The following CDH18 variants were observed in gnomAD, a reference collection of about 807,000 sequenced individuals.
The protein encoded by CDH18 is cadherin-18.
In CDH18, 31 loss-of-function variants were observed where a neutral mutation model predicts 67.9. The ratio of observed to expected loss-of-function variants is 0.46; its 90% CI spans 0.34 to 0.62. CDH18 has a LOEUF of 0.62. Ranked by LOEUF, CDH18 falls within the 20% of genes least tolerant of loss-of-function variation. The pLI is 0.01. For missense variants in CDH18, 890 were observed against 975.5 expected, an observed-to-expected ratio of 0.91 and a Z score of 1.17; for synonymous variants, 362 against 347.2, an observed-to-expected ratio of 1.04 and a Z score of -0.48.
Position 19,600,454 on chromosome 5 carries a change from T to C in CDH18, c.812-9210A>G, listed in dbSNP as rs1370568750. 2.6e-5 allele frequency among the ~76,000 whole-genome samples: 4 copies of C among 151,380 alleles called. No individual in the cohort carries two copies. The Admixed American group carries it at 2.6e-4, about 10-fold the overall frequency. On this transcript the variant is annotated intron_variant, in intron 6 of 12. Coordinates refer to ENST00000382275, the MANE Select transcript of CDH18 (RefSeq NM_004934.5). ...TATCTACTGAGCCAGCTGTTCTCTA[T>C]AACACTAAAGTCGATGCTTAGGGTC... is the stretch of plus-strand genomic sequence containing the variant.
At chr5:20,478,990 C>A (rs533844106) in intron 1 of CDH18, among the ~76,000 whole-genome samples, 1 of 152,128 alleles carries the variant, frequency 6.6e-6, no homozygotes, top group Non-Finnish European at 1.5e-5. Context: ...GGATCTCACC[C>A]AAGACCACCA....
chr5:19,945,752 A>G (rs1795223836), intron 2 of CDH18, among the ~76,000 whole-genome samples: 1 of 152,152 alleles, frequency 6.6e-6, no homozygotes, highest in Admixed American at 6.6e-5. Context: ...TGTCCTTAGA[A>G]GTGGTGGAAA....
chr5:20,130,652 T>C (rs1383210679), intron 2 of CDH18, among the ~76,000 whole-genome samples: 4 of 152,002 alleles, frequency 2.6e-5, no homozygotes, highest in African/African-American at 9.7e-5. Flanking sequence ...TTGAACAGTT[T>C]TGAGTCGGCA....
chr5:20,391,037 T>C (rs1047716257), intron 1 of CDH18, among the ~76,000 whole-genome samples: 3 of 152,006 alleles, frequency 2.0e-5, no homozygotes, highest in African/African-American at 7.3e-5. Context: ...TAATGCTAAA[T>C]GATGAGTTAC....
intron 2 of CDH18, among the ~76,000 whole-genome samples, chr5:20,126,431 C>G (rs988405403): frequency 3.3e-5 from 5 of 152,104 alleles, no homozygotes; most frequent in African/African-American, 7.2e-5. Flanking sequence ...ATCTGAAACA[C>G]ATAGGCACCA....
At chr5:19,609,704 T>C (rs757961462) in intron 6 of CDH18, among the ~76,000 whole-genome samples, 2 of 152,106 alleles carry the variant, frequency 1.3e-5, no homozygotes, top group African/African-American at 2.4e-5. Context: ...GTTAGGGATG[T>C]TTATTCAAGT....
chr5:20,340,157 G>C (rs1230267472), intron 1 of CDH18, among the ~76,000 whole-genome samples: 1 of 152,100 alleles, frequency 6.6e-6, no homozygotes, highest in Non-Finnish European at 1.5e-5. Context: ...TTTTGGAAAG[G>C]CTGAGAAAAG....
At chr5:20,504,379 A>G (rs541458129) in intron 1 of CDH18, among the ~76,000 whole-genome samples, 1 of 152,352 alleles carries the variant, frequency 6.6e-6, no homozygotes, top group African/African-American at 2.4e-5. Flanking sequence ...ATAAAGGCAT[A>G]TGTGTGTGTT....
intron 1 of CDH18, among the ~76,000 whole-genome samples, chr5:19,984,268 T>A (rs1405312879): frequency 1.3e-5 from 2 of 151,906 alleles, no homozygotes; most frequent in Non-Finnish European, 2.9e-5. Flanking sequence ...CATTGAAAAA[T>A]TATTTTTAAA....
Position 19,700,927 on chromosome 5 carries a change from A to G in CDH18, c.643+20420T>C, listed in dbSNP as rs75232317. Among the ~76,000 whole-genome samples the G allele has an allele frequency of 2.0e-5, 3 of 152,266 alleles. No homozygotes were observed. In the East Asian group the frequency reaches 5.8e-4, roughly 29 times the overall value. ...AAAAGTGCAAAAAATTTAAGTAAAC[A>G]AAGTGTGGAAACAAAGTGAGGAAAC... is the stretch of plus-strand genomic sequence containing the variant. On this transcript the variant is annotated intron_variant, in intron 5 of 12. Transcript: ENST00000382275.
intron 1 of CDH18, among the ~76,000 whole-genome samples, chr5:20,518,587 A>T (rs1755522957): frequency 6.6e-6 from 1 of 152,138 alleles, no homozygotes; most frequent in Non-Finnish European, 1.5e-5. Flanking sequence ...AGCATTTTGT[A>T]GTTAGTTGAC....
intron 1 of CDH18, among the ~76,000 whole-genome samples, chr5:20,572,108 CT>C (rs1303068739): frequency 6.6e-6 from 1 of 151,894 alleles, no homozygotes; most frequent in African/African-American, 2.4e-5. Context: ...GTAATGATAA[CT>C]TTATATAATG....
At chr5:19,596,917 G>A (rs996594036) in intron 6 of CDH18, among the ~76,000 whole-genome samples, 41 of 152,112 alleles carry the variant, frequency 2.7e-4, no homozygotes, top group African/African-American at 8.0e-4. Flanking sequence ...CCTTCAAGGC[G>A]GCCACATTTT....
intron 2 of CDH18, among the ~76,000 whole-genome samples, chr5:19,960,671 A>G (rs1437928893): frequency 1.6e-5 from 2 of 128,950 alleles, no homozygotes; most frequent in African/African-American, 7.8e-5. Flanking sequence ...ATACACATGT[A>G]TATATATGTA....
intron 5 of CDH18, among the ~76,000 whole-genome samples, chr5:19,635,186 T>C (rs1374474354): frequency 6.6e-6 from 1 of 152,160 alleles, no homozygotes; most frequent in Non-Finnish European, 1.5e-5. Context: ...CTATTGATGC[T>C]AGTTTTGCTT....
Position 20,358,985 on chromosome 5 carries a change from T to G in CDH18, c.-579-103480A>C, listed in dbSNP as rs1341713342. ...TTCACTCTTGTTGCCCTGGCTGGAG[T>G]GCAATGGCGTGATCTCAGCTCACCG... is the stretch of plus-strand genomic sequence containing the variant. On this transcript the variant is annotated intron_variant, in intron 1 of 14. Coordinates refer to the CDH18 transcript ENST00000507958. Among the ~76,000 whole-genome samples the G allele has an allele frequency of 1.4e-5, 2 of 147,282 alleles. 1 individual carries two copies. Among genetic ancestry groups the G allele is most frequent in the Admixed American group, 1.4e-4 (2 of 14,226 alleles).
intron 7 of CDH18, among the ~76,000 whole-genome samples, chr5:19,585,420 A>T (rs1364568737): frequency 6.6e-6 from 1 of 152,150 alleles, no homozygotes; most frequent in Non-Finnish European, 1.5e-5. Context: ...ACCCATACAC[A>T]TCCTCACTAC....
intron 1 of CDH18, among the ~76,000 whole-genome samples, chr5:20,446,751 C>T (rs552885991): frequency 6.6e-6 from 1 of 152,276 alleles, no homozygotes; most frequent in East Asian, 1.9e-4. Context: ...TAAAAAGGCA[C>T]ATCAGTGGCT....
intron 2 of CDH18, among the ~76,000 whole-genome samples, chr5:20,034,166 A>C (rs1739637566): frequency 6.6e-6 from 1 of 151,926 alleles, no homozygotes; most frequent in Non-Finnish European, 1.5e-5. Flanking sequence ...AAATTGATGA[A>C]ATTTTGGCTT....
Sources: gnomAD v4.1 joint callset for allele counts (sites outside exome capture counted in the v4.1 genomes callset) on GRCh38, gnomAD v4.1.1 for gene constraint, MANE v1.5 for transcripts, NCBI Gene and HGNC (gene_info 2026-07-23, HGNC 2026-07-21) for gene names.